The following SRGAP1 variants were observed in gnomAD, a reference collection of about 807,000 sequenced individuals.
SRGAP1 encodes the protein SLIT-ROBO Rho GTPase-activating protein 1.
Under a neutral mutation model 121.9 loss-of-function variants are expected in SRGAP1, and 43 were observed. The ratio of observed to expected loss-of-function variants is 0.35; its 90% CI spans 0.28 to 0.46. The LOEUF (loss-of-function observed/expected upper bound fraction) is 0.46, where lower values mean the gene tolerates loss of function less well. SRGAP1 is among the 20% of genes least tolerant of loss of function. SRGAP1 has a pLI of 1.00. For synonymous variants in SRGAP1, 447 were observed against 485.4 expected, an observed-to-expected ratio of 0.92 and a Z score of 1.04; for missense variants, 1,102 against 1,350.9, an observed-to-expected ratio of 0.82 and a Z score of 2.89.
chr12:63,933,330 G>A (rs1032530814), intron 1 of SRGAP1, among the ~76,000 whole-genome samples: 1 of 152,076 alleles, frequency 6.6e-6, no homozygotes, highest in African/African-American at 2.4e-5. Flanking sequence ...TCATTCTTTG[G>A]CACCCAAAGA....
intron 4 of SRGAP1, among the ~76,000 whole-genome samples, chr12:64,041,115 T>C (rs1483297722): frequency 6.6e-6 from 1 of 152,048 alleles, no homozygotes; most frequent in Non-Finnish European, 1.5e-5. Context: ...ACATCAAAGG[T>C]TTTTAACACA....
At chr12:63,858,692 C>T (rs1899338710) in intron 1 of SRGAP1, among the ~76,000 whole-genome samples, 1 of 152,084 alleles carries the variant, frequency 6.6e-6, no homozygotes, top group Admixed American at 6.6e-5. Context: ...CTTCTCATGT[C>T]AGTTTTGATA....
At chr12:63,968,015 C>A (rs1239603886) in intron 1 of SRGAP1, among the ~76,000 whole-genome samples, 1 of 152,182 alleles carries the variant, frequency 6.6e-6, no homozygotes, top group East Asian at 1.9e-4. Flanking sequence ...TAGAATAAGT[C>A]AATTCATTGG....
chr12:64,086,474 T>A, intron 10 of SRGAP1, among the ~76,000 whole-genome samples: 1 of 152,162 alleles, frequency 6.6e-6, no homozygotes, highest in Non-Finnish European at 1.5e-5. Context: ...ACTTTAATAT[T>A]CGCAAATGTC....
At chr12:64,123,316 G>A (rs928420359) in intron 18 of SRGAP1, among the ~76,000 whole-genome samples, 4 of 152,054 alleles carry the variant, frequency 2.6e-5, no homozygotes, top group Admixed American at 1.3e-4. Context: ...TACTATATCC[G>A]GCATGGGTGA....
chr12:63,951,324 C>G (rs558385577), intron 1 of SRGAP1, among the ~76,000 whole-genome samples: 9 of 151,794 alleles, frequency 5.9e-5, no homozygotes, highest in African/African-American at 2.2e-4. Context: ...CCACCATGCC[C>G]GGCTAATTTT....
chr12:63,958,573 T>A (rs1021726173), intron 1 of SRGAP1, among the ~76,000 whole-genome samples: 1 of 152,220 alleles, frequency 6.6e-6, no homozygotes, highest in African/African-American at 2.4e-5. Flanking sequence ...GATATCATTT[T>A]AAAAATACTG....
chr12:63,908,508 A>C (rs561398924), intron 1 of SRGAP1, among the ~76,000 whole-genome samples: 2 of 151,770 alleles, frequency 1.3e-5, no homozygotes, highest in African/African-American at 4.8e-5. Context: ...TTCTGCCTCA[A>C]CCTCCTGAGT....
chr12:64,102,626 GATTT>G (rs2036276705), intron 15 of SRGAP1, among the ~76,000 whole-genome samples: 2 of 152,250 alleles, frequency 1.3e-5, no homozygotes, highest in Admixed American at 1.3e-4. Flanking sequence ...CGTCTCTATA[GATTT>G]GCCTGTTCTG....
chr12:63,946,955 C>A (rs546321743), intron 1 of SRGAP1, among the ~76,000 whole-genome samples: 122 of 152,210 alleles, frequency 8.0e-4, no homozygotes, highest in Non-Finnish European at 1.4e-3. Context: ...TTAATTCACT[C>A]ATATTGCTGT....
Position 63,949,714 on chromosome 12 carries a change from C to T in SRGAP1, c.68-34233C>T, listed in dbSNP as rs1037716078. Among the ~76,000 whole-genome samples, 4 of 152,022 alleles carry T rather than the reference C, an allele frequency of 2.6e-5. No homozygotes were observed. In the East Asian group the frequency reaches 5.8e-4, roughly 22 times the overall value. ...AGAGACATTTTTATTTTTAAGGATACAACGTATTGTAGAAATGCGGTAGAG... is the reference window on the plus strand; with the variant it reads ...AGAGACATTTTTATTTTTAAGGATATAACGTATTGTAGAAATGCGGTAGAG... On this transcript the variant is annotated intron_variant, in intron 1 of 21. Coordinates refer to ENST00000355086, the MANE Select transcript of SRGAP1 (RefSeq NM_020762.4).
chr12:64,092,461 C>CATAT (rs1565677333), intron 12 of SRGAP1, among the ~76,000 whole-genome samples: 29 of 141,856 alleles, frequency 2.0e-4, no homozygotes, highest in African/African-American at 8.0e-4. Flanking sequence ...TAAGGACATA[C>CATAT]ATACATATAT....
At chr12:64,118,894 G>C (rs538509943) in intron 18 of SRGAP1, among the ~76,000 whole-genome samples, 65 of 151,752 alleles carry the variant, frequency 4.3e-4, no homozygotes, top group Non-Finnish European at 7.9e-4. Context: ...TTTTAGTAGA[G>C]ACAGCATTTC....
At chr12:63,873,776 C>T (rs1899937130) in intron 1 of SRGAP1, among the ~76,000 whole-genome samples, 1 of 150,698 alleles carries the variant, frequency 6.6e-6, no homozygotes, top group Non-Finnish European at 1.5e-5. Context: ...TCAAGTGATT[C>T]TCCTGCCTTA....
At chr12:63,983,897 A>T (rs2033344474) in intron 1 of SRGAP1, 50 bp from the exon 2 acceptor site, 1 of 857,590 alleles carries the variant, frequency 1.2e-6, no homozygotes, top group Non-Finnish European at 1.6e-6. Flanking sequence ...ATACCAGCAT[A>T]CCTCATTAAT....
At position 63,910,042 on chromosome 12, in the gene SRGAP1, A is replaced by G. The variant is rs546405054; in HGVS notation, c.67+65159A>G. Reference sequence around the variant, plus strand: ...TTAGTGTCTGATTAAATTACTGGATACAGTAGACTAGCTGAATTGACACAT... The same window carrying G: ...TTAGTGTCTGATTAAATTACTGGATGCAGTAGACTAGCTGAATTGACACAT... On this transcript the variant is annotated intron_variant, in intron 1 of 21. Transcript: ENST00000355086. Among the ~76,000 whole-genome samples, 15 of 152,374 alleles carry G rather than the reference A, an allele frequency of 9.8e-5. No individual in the cohort carries two copies. In the South Asian group the frequency reaches 1.2e-3, roughly 13 times the overall value.
intron 4 of SRGAP1, among the ~76,000 whole-genome samples, chr12:64,039,686 TG>T (rs1012441735): frequency 1.5e-5 from 2 of 129,034 alleles, no homozygotes; most frequent in Admixed American, 1.6e-4. Context: ...AAGATATAAC[TG>T]GAACCAAGAC....
chr12:64,104,916 A>T (rs1023289718), intron 15 of SRGAP1, among the ~76,000 whole-genome samples: 72 of 151,832 alleles, frequency 4.7e-4, no homozygotes, highest in African/African-American at 1.5e-3. Context: ...TATATATAAA[A>T]AATATAAAAT....
chr12:64,112,832 A>G (rs972853433), intron 17 of SRGAP1, among the ~76,000 whole-genome samples: 2 of 152,174 alleles, frequency 1.3e-5, no homozygotes, highest in Admixed American at 6.6e-5. Flanking sequence ...TATGGAGCTA[A>G]AAAAGTGGAT....
Sources: gnomAD v4.1 joint callset for allele counts (sites outside exome capture counted in the v4.1 genomes callset) on GRCh38, gnomAD v4.1.1 for gene constraint, MANE v1.5 for transcripts, NCBI Gene and HGNC (gene_info 2026-07-23, HGNC 2026-07-21) for gene names.